Variants in SPEG observed in about 807,000 individuals in gnomAD.
The protein encoded by SPEG is striated muscle enriched protein kinase, also known as striated muscle preferentially expressed protein kinase.
SPEG carries 114 observed loss-of-function variants against 300.4 expected under a neutral mutation model. That is an observed-to-expected ratio of 0.38 (90% CI 0.33 to 0.44). SPEG has a LOEUF of 0.44. SPEG is among the 20% of genes least tolerant of loss of function. The pLI is 1.00. For missense variants in SPEG, 4,201 were observed against 4,586.2 expected, an observed-to-expected ratio of 0.92 and a Z score of 2.43; for synonymous variants, 1,964 against 2,018.9, an observed-to-expected ratio of 0.97 and a Z score of 0.73.
Position 219,435,291 on chromosome 2 carries a change from T to C in SPEG, c.314T>C (p.Val105Ala). The change falls in exon 1 of 41, where the codon GTG (valine) becomes GCG (alanine). Residue 105 changes from valine (V) to alanine (A), a missense_variant. By Grantham distance (64) the Val-to-Ala change is moderately conservative. Coordinates refer to ENST00000312358, the MANE Select transcript of SPEG (RefSeq NM_005876.5). Reference sequence around the variant, plus strand: ...CGCTGCGGGGCGCAGGACGCCGGCGTGTACAGCTGCATGGCCCAGAACGAG... The same window carrying C: ...CGCTGCGGGGCGCAGGACGCCGGCGCGTACAGCTGCATGGCCCAGAACGAG... ...LRRCGAQDAG[V>A]YSCMAQNERG... The C allele has an allele frequency of 2.0e-6, 3 of 1,518,492 alleles. No homozygotes were observed. Among genetic ancestry groups the C allele is most frequent in the Non-Finnish European group, 2.6e-6 (3 of 1,140,836 alleles). 94.1% of individuals were successfully genotyped at this position (1,518,492 alleles called of 1,614,324 possible). A position where few individuals can be genotyped will look rare whatever the true frequency, so the allele number is the denominator to read the frequency against.
At position 219,488,860 on chromosome 2, in the gene SPEG, C is replaced by T; in HGVS notation, c.8109C>T (p.Ser2703=). The change falls in exon 34 of 41, where the codon AGC becomes AGT. Residue 2703 remains serine, a synonymous_variant. Coordinates refer to ENST00000312358, the MANE Select transcript of SPEG (RefSeq NM_005876.5). ...TGGTGCTGTGGAAGCCGGGAGACAG[C>T]CGGGCACCTTGCACGTATACGCTGG... ...TALVLWKPGD[S]RAPCTYTLER... 1 of 1,587,786 alleles carries T rather than the reference C, an allele frequency of 6.3e-7. No individual in the cohort carries two copies. The highest frequency in any genetic ancestry group is 8.6e-7 in the Non-Finnish European group (1 of 1,166,012).
In SPEG at chr2:219,451,597, C is replaced by T. The variant is rs377647829; in HGVS notation, c.2258-28C>T. 44 of 1,485,376 alleles carry T rather than the reference C, an allele frequency of 3.0e-5. No individual in the cohort carries two copies. The highest frequency in any genetic ancestry group is 9.0e-5 in the Admixed American group (4 of 44,582). 92.0% of individuals were successfully genotyped at this position (1,485,376 alleles called of 1,614,324 possible). ...CTCAGTGGGCGCCTGTGGGCCGTGG[C>T]GAGCCGGGTCCCTGTGCCTCCCCAC... is the stretch of plus-strand genomic sequence containing the variant. On this transcript the variant is annotated intron_variant, in intron 5 of 40. Transcript: ENST00000312358. This position sits in a 1 kb window ranked among gnomAD's most constrained non-coding sequence, Gnocchi z 6.4.
chr2:219,479,962 C>G lies in SPEG; in HGVS notation c.5164C>G (p.Pro1722Ala). 6.2e-7 allele frequency: 1 copy of G among 1,614,192 alleles called. No individual in the cohort carries two copies. The highest frequency in any genetic ancestry group is 8.5e-7 in the Non-Finnish European group (1 of 1,180,024). ...QSHVLHLDVK[P>A]ENLLVWDGAA... ...GCACACCTCGCCTTGTGTCTTCCAG[C>G]CTGAGAACCTGCTGGTGTGGGATGG... is the stretch of plus-strand genomic sequence containing the variant. Residue 1722 changes from proline (P) to alanine (A), a missense_variant and splice_region_variant, in exon 25 of 41, where the codon CCT (proline) becomes GCT (alanine). Pro to Ala is a conservative substitution (Grantham distance 27). This residue lies in a region of SPEG where 1,047 missense variants were observed against 1,356.8 expected (regional missense o/e 0.77). Coordinates refer to ENST00000312358, the MANE Select transcript of SPEG (RefSeq NM_005876.5). The surrounding 1 kb of genome is among the most constrained non-coding windows in gnomAD (Gnocchi z 5.5).
intron 1 of SPEG, among the ~76,000 whole-genome samples, chr2:219,442,284 C>T (rs931269046): frequency 6.6e-6 from 1 of 152,006 alleles, no homozygotes; most frequent in African/African-American, 2.4e-5. Context: ...GGCCCCTCCC[C>T]GCGCTGAAGG....
intron 1 of SPEG, among the ~76,000 whole-genome samples, chr2:219,442,844 G>A (rs955604808): frequency 1.3e-5 from 2 of 152,062 alleles, no homozygotes; most frequent in South Asian, 2.1e-4. Context: ...CCAGTGGGAT[G>A]TTCCAGCTTC....
Position 219,449,034 on chromosome 2 carries a change from C to A in SPEG, c.1876C>A (p.Pro626Thr). The A allele has an allele frequency of 6.6e-7, 1 of 1,517,590 alleles. No individual in the cohort carries two copies. Among genetic ancestry groups the A allele is most frequent in the East Asian group, 2.7e-5 (1 of 37,252 alleles). 94.0% of individuals were successfully genotyped at this position (1,517,590 alleles called of 1,614,324 possible). ...ADPPEARTKAPPGRKREPPAQ... is the reference protein window; with the variant it reads ...ADPPEARTKATPGRKREPPAQ... ...TCCCCCAGAGGCCAGGACGAAAGCACCCCCCGGTCGGAAGCGGGAGCCCCC... is the reference window on the plus strand; with the variant it reads ...TCCCCCAGAGGCCAGGACGAAAGCAACCCCCGGTCGGAAGCGGGAGCCCCC... The change falls in exon 4 of 41, where the codon CCC becomes ACC. Residue 626 changes from proline (P) to threonine (T), a missense_variant. Around this residue, in one of 4 missense-constraint regions of SPEG, gnomAD observed 1,258 missense variants for 1,293.9 expected, o/e 0.97. Coordinates refer to ENST00000312358, the MANE Select transcript of SPEG (RefSeq NM_005876.5).
In SPEG at chr2:219,464,920, C is replaced by A. The variant is rs1486180423; in HGVS notation, c.2881+312C>A. On this transcript the variant is annotated intron_variant, in intron 9 of 40. Coordinates refer to ENST00000312358, the MANE Select transcript of SPEG (RefSeq NM_005876.5). This position sits in a 1 kb window ranked among gnomAD's most constrained non-coding sequence, Gnocchi z 4.5. ...CCACTGGCCAAGCTCTCTCTACACT[C>A]TTCTGAGCCTTTGTCACCCTGCTCT... 6.2e-6 allele frequency: 2 copies of A among 320,006 alleles called. No individual in the cohort carries two copies. Among genetic ancestry groups the A allele is most frequent in the Non-Finnish European group, 1.2e-5 (2 of 171,910 alleles). 19.8% of individuals were successfully genotyped at this position (320,006 alleles called of 1,614,324 possible).
At position 219,461,901 on chromosome 2, in the gene SPEG, C is replaced by G. The variant is rs1128571; in HGVS notation, c.2460C>G (p.Phe820Leu). 3.7e-6 allele frequency: 6 copies of G among 1,613,864 alleles called. No individual in the cohort carries two copies. The Admixed American group carries it at 6.7e-5, about 18-fold the overall frequency. ...CTCCAGGTGGGTCTACATCCCCTTT[C>G]AGCAGCCCCATCACCTCCGACGAGG... Reference protein sequence around the residue: ...TVRPGGSTSPFSSPITSDEEY... With the variant: ...TVRPGGSTSPLSSPITSDEEY... Residue 820 changes from phenylalanine (F) to leucine (L), a missense_variant, in exon 7 of 41, where the codon TTC becomes TTG. Physicochemically the swap from Phe to Leu is conservative, Grantham distance 22. Coordinates refer to ENST00000312358, the MANE Select transcript of SPEG (RefSeq NM_005876.5).
Position 219,445,415 on chromosome 2 carries a change from C to G in SPEG, c.815+254C>G. Reference sequence around the variant, plus strand: ...CATGGTCTCCTGGACCCTGCTGTCCCTTCCTTGTCTCCTCCAAGATCTCCA... The same window carrying G: ...CATGGTCTCCTGGACCCTGCTGTCCGTTCCTTGTCTCCTCCAAGATCTCCA... On this transcript the variant is annotated intron_variant, in intron 3 of 40. Coordinates refer to ENST00000312358, the MANE Select transcript of SPEG (RefSeq NM_005876.5). The surrounding 1 kb of genome is among the most constrained non-coding windows in gnomAD (Gnocchi z 6.1). 1 of 532,926 alleles carries G rather than the reference C, an allele frequency of 1.9e-6. No individual in the cohort carries two copies. The highest frequency in any genetic ancestry group is 2.4e-5 in the South Asian group (1 of 42,364). The allele number at this position is 532,926 out of a possible 1,614,324, so 33.0% of individuals were successfully genotyped here. A position where few individuals can be genotyped will look rare whatever the true frequency, so the allele number is the denominator to read the frequency against.
intron 1 of SPEG, among the ~76,000 whole-genome samples, chr2:219,436,797 G>A (rs1394714451): frequency 6.6e-6 from 1 of 152,218 alleles, no homozygotes; most frequent in African/African-American, 2.4e-5. Flanking sequence ...GGGATGGGGT[G>A]CATTCTAGCA....
At position 219,477,768 on chromosome 2, in the gene SPEG, C is replaced by A; in HGVS notation, c.4809C>A (p.Ile1603=). 1 of 1,609,158 alleles carries A rather than the reference C, an allele frequency of 6.2e-7. No homozygotes were observed. The part of the protein sequence containing the change: ...RGRRLSDFYD[I]HQEIGRGAFS... Reference sequence around the variant, plus strand: ...GGAGACTCAGCGACTTTTATGACATCCACCAGGAGATCGGCAGGTGTGGGG... The same window carrying A: ...GGAGACTCAGCGACTTTTATGACATACACCAGGAGATCGGCAGGTGTGGGG... Residue 1603 remains isoleucine (I), a synonymous_variant, in exon 21 of 41, where the codon ATC becomes ATA. Transcript: ENST00000312358. This position sits in a 1 kb window ranked among gnomAD's most constrained non-coding sequence, Gnocchi z 6.4.
chr2:219,489,213 G>A lies in SPEG; in HGVS notation c.8309G>A (p.Gly2770Asp), dbSNP rs763023950. ...TCTTCTGAGAAGGTCTTTGTCAGGG[G>A]TACTCAAGGTCAGTGCAATGGTATG... is the stretch of plus-strand genomic sequence containing the variant. ...SNSSEKVFVR[G>D]TQDSSAVPSA... is the part of the protein sequence containing the mutation. The change falls in exon 35 of 41, where the codon GGT (glycine) becomes GAT (aspartate). Residue 2770 changes from glycine (G) to aspartate (D), a missense_variant. Physicochemically the swap from Gly to Asp is moderately conservative, Grantham distance 94. Around this residue, in one of 4 missense-constraint regions of SPEG, gnomAD observed 1,578 missense variants for 1,506.0 expected, o/e 1.05. Transcript: ENST00000312358. The A allele has an allele frequency of 1.9e-6, 3 of 1,613,786 alleles. No individual in the cohort carries two copies. In the African/African-American group the frequency reaches 4.0e-5, roughly 22 times the overall value.
At position 219,481,864 on chromosome 2, in the gene SPEG, GA is replaced by G. The variant is rs1692876903; in HGVS notation, c.5565+187del. On this transcript the variant is annotated intron_variant, in intron 28 of 40. Coordinates refer to ENST00000312358, the MANE Select transcript of SPEG (RefSeq NM_005876.5). The surrounding 1 kb of genome is among the most constrained non-coding windows in gnomAD (Gnocchi z 5.4). ...TTATTAGTCCCATTTTGTTGACAAG[GA>G]AACAGGCTCTAATCAGTGATGGAGT... Among the ~76,000 whole-genome samples the G allele has an allele frequency of 6.6e-6, 1 of 152,218 alleles. No individual in the cohort carries two copies. Among genetic ancestry groups the G allele is most frequent in the African/African-American group, 2.4e-5 (1 of 41,456 alleles).
In SPEG at chr2:219,489,828, A is replaced by T. The variant is rs1323631698; in HGVS notation, c.8810A>T (p.Glu2937Val). 1 of 1,613,358 alleles carries T rather than the reference A, an allele frequency of 6.2e-7. No homozygotes were observed. Among genetic ancestry groups the T allele is most frequent in the Non-Finnish European group, 8.5e-7 (1 of 1,179,864 alleles). The change falls in exon 36 of 41, where the codon GAG becomes GTG. Residue 2937 changes from glutamate to valine, a missense_variant. By Grantham distance (121) the Glu-to-Val change is moderately radical. Around this residue, in one of 4 missense-constraint regions of SPEG, gnomAD observed 1,578 missense variants for 1,506.0 expected, o/e 1.05. Coordinates refer to ENST00000312358, the MANE Select transcript of SPEG (RefSeq NM_005876.5). ...VTVQSLSPAK[E>V]VVSSPGSSPR... ...GTGCAGAGCCTCAGCCCGGCCAAGG[A>T]GGTGGTCAGCTCCCCTGGGAGCAGT...
chr2:219,444,049 G>A lies in SPEG; in HGVS notation c.389-604G>A. 7.3e-7 allele frequency: 1 copy of A among 1,365,824 alleles called. No homozygotes were observed. The highest frequency in any genetic ancestry group is 4.6e-5 in the East Asian group (1 of 21,978). 84.6% of individuals were successfully genotyped at this position (1,365,824 alleles called of 1,614,324 possible). ...GCGAAGTTTTCCGCTCCTGCAGAAAGCAAAGTTACGGTAGGAAACTGGCTC... is the reference window on the plus strand; with the variant it reads ...GCGAAGTTTTCCGCTCCTGCAGAAAACAAAGTTACGGTAGGAAACTGGCTC... On this transcript the variant is annotated intron_variant, in intron 1 of 40. Transcript: ENST00000312358. This position sits in a 1 kb window ranked among gnomAD's most constrained non-coding sequence, Gnocchi z 7.8.
Position 219,445,963 on chromosome 2 carries a change from A to C in SPEG, c.815+802A>C, listed in dbSNP as rs1054429127. ...GAGATTTGGGGCTCGCAGATACAGG[A>C]GGGAGTGCTATAGTGGAAGAGGGGA... On this transcript the variant is annotated intron_variant, in intron 3 of 40. Coordinates refer to ENST00000312358, the MANE Select transcript of SPEG (RefSeq NM_005876.5). This position sits in a 1 kb window ranked among gnomAD's most constrained non-coding sequence, Gnocchi z 6.1. Among the ~76,000 whole-genome samples the C allele has an allele frequency of 6.7e-5, 10 of 149,472 alleles. No homozygotes were observed. Among genetic ancestry groups the C allele is most frequent in the Admixed American group, 2.7e-4 (4 of 15,028 alleles).
rs1310793280 is a variant in SPEG at position 219,489,542 on chromosome 2, C to T, written c.8524C>T (p.Pro2842Ser). 6.2e-7 allele frequency: 1 copy of T among 1,613,528 alleles called. No individual in the cohort carries two copies. Among genetic ancestry groups the T allele is most frequent in the South Asian group, 1.1e-5 (1 of 91,052 alleles). The change falls in exon 36 of 41, where the codon CCC becomes TCC. Residue 2842 changes from proline to serine, a missense_variant. Coordinates refer to ENST00000312358, the MANE Select transcript of SPEG (RefSeq NM_005876.5). Reference sequence around the variant, plus strand: ...CTCGCTCAAGGCTGTGGGTCCACCACCCCAAACCCCTCCACGAAGACACAG... The same window carrying T: ...CTCGCTCAAGGCTGTGGGTCCACCATCCCAAACCCCTCCACGAAGACACAG... ...LSSLKAVGPP[P>S]QTPPRRHRGL...
intron 1 of SPEG, among the ~76,000 whole-genome samples, chr2:219,435,969 G>A (rs1195250272): frequency 6.6e-6 from 1 of 152,194 alleles, no homozygotes; most frequent in Admixed American, 6.5e-5. Flanking sequence ...GGGCATGAAT[G>A]GAGGTGAGTG....
Position 219,490,729 on chromosome 2 carries a change from C to T in SPEG, c.9162-4C>T. On this transcript the variant is annotated splice_polypyrimidine_tract_variant and splice_region_variant and intron_variant, in intron 37 of 40. Transcript: ENST00000312358. ...TATCATCTGCTCCATCCCTGCCCTC[C>T]CAGGTTCCGGTATTCTGAGGATGAC... is the stretch of plus-strand genomic sequence containing the variant. 6.2e-7 allele frequency: 1 copy of T among 1,613,986 alleles called. No individual in the cohort carries two copies. The highest frequency in any genetic ancestry group is 2.2e-5 in the East Asian group (1 of 44,878).
Sources: gnomAD v4.1 joint callset for allele counts (sites outside exome capture counted in the v4.1 genomes callset) on GRCh38, gnomAD v4.1.1 for gene constraint, gnomAD v4.1.1 regional missense constraint, Gnocchi (gnomAD v3.1) non-coding constraint, MANE v1.5 for transcripts, NCBI Gene and HGNC (gene_info 2026-07-23, HGNC 2026-07-21) for gene names.